The following PKIG variants were observed in gnomAD, a reference collection of about 807,000 sequenced individuals.
PKIG encodes the protein cAMP-dependent protein kinase inhibitor gamma.
PKIG carries 1 observed loss-of-function variant against 6.8 expected under a neutral mutation model. The ratio of observed to expected loss-of-function variants is 0.15; its 90% confidence interval spans 0.05 to 0.69. The LOEUF is 0.69. PKIG is among the 30% of genes least tolerant of loss of function. The pLI, the probability that PKIG is intolerant of heterozygous loss-of-function variation, is 0.82. For missense variants in PKIG, 77 were observed against 104.0 expected (o/e 0.74, Z 1.13); for synonymous variants, 39 against 43.0 (o/e 0.91, Z 0.36).
chr20:44,617,594 G>A (rs964671808), intron 3 of PKIG, among the ~76,000 whole-genome samples: 16 of 152,054 alleles, frequency 1.1e-4, no homozygotes, highest in African/African-American at 3.9e-4. Context: ...CTGTGAGCCT[G>A]CTGCTGCCCC....
intron 1 of PKIG, among the ~76,000 whole-genome samples, chr20:44,553,396 T>C (rs775997013): frequency 8.5e-5 from 13 of 152,144 alleles, no homozygotes; most frequent in Non-Finnish European, 1.8e-4. Flanking sequence ...CACATTTTGC[T>C]CTTTGAAAAT....
chr20:44,589,245 G>A (rs991191776), intron 1 of PKIG, among the ~76,000 whole-genome samples: 2 of 152,080 alleles, frequency 1.3e-5, no homozygotes, highest in Non-Finnish European at 2.9e-5. Flanking sequence ...GCTGAGAGTG[G>A]ATGATTGCTT....
At chr20:44,597,068 C>CTTT (rs1012609434) in intron 2 of PKIG, among the ~76,000 whole-genome samples, 1 of 152,114 alleles carries the variant, frequency 6.6e-6, no homozygotes, top group African/African-American at 2.4e-5. Context: ...GAAGTGGTTT[C>CTTT]TAAACTCCTC....
chr20:44,538,283 T>A (rs1333538646), intron 1 of PKIG, among the ~76,000 whole-genome samples: 2 of 152,188 alleles, frequency 1.3e-5, no homozygotes, highest in South Asian at 4.1e-4. Flanking sequence ...ATGATATCAT[T>A]TTAGTCCTCC....
intron 1 of PKIG, among the ~76,000 whole-genome samples, chr20:44,547,124 T>C (rs1418081357): frequency 6.6e-6 from 1 of 152,248 alleles, no homozygotes; most frequent in Non-Finnish European, 1.5e-5. Context: ...GTTCATGGAA[T>C]GAGAGAATGA....
In PKIG at chr20:44,599,231, C is replaced by CA. The variant is rs73623262; in HGVS notation, c.-24+9366dup. ...GGTACTTTTCAGTAAATCCATACTA[C>CA]ATGCCAGGCATAATACTAATTCACT... is the stretch of plus-strand genomic sequence containing the variant. On this transcript the variant is annotated intron_variant, in intron 2 of 3. Transcript: ENST00000372886. 6.3e-3 allele frequency among the ~76,000 whole-genome samples: 955 copies of CA among 152,276 alleles called. 10 individuals are homozygous for CA. The East Asian group carries it at 0.064, about 10-fold the overall frequency.
chr20:44,557,342 C>T (rs114583925), intron 1 of PKIG, among the ~76,000 whole-genome samples: 2,864 of 152,000 alleles, frequency 0.019, 87 homozygotes, highest in African/African-American at 0.065. Flanking sequence ...GCCTGGCCAA[C>T]GTGGTGGAAC....
intron 1 of PKIG, among the ~76,000 whole-genome samples, chr20:44,543,479 G>C (rs1375757621): frequency 6.6e-6 from 1 of 152,126 alleles, no homozygotes; most frequent in East Asian, 1.9e-4. Context: ...GGGAAGACCT[G>C]ACTGACTTTG....
intron 2 of PKIG, among the ~76,000 whole-genome samples, chr20:44,600,969 C>T (rs1600890483): frequency 6.6e-6 from 1 of 151,926 alleles, no homozygotes; most frequent in Non-Finnish European, 1.5e-5. Flanking sequence ...TAGATTATTT[C>T]GGGAAAGGAT....
intron 1 of PKIG, among the ~76,000 whole-genome samples, chr20:44,542,325 A>G (rs1386333995): frequency 6.6e-6 from 1 of 152,172 alleles, no homozygotes; most frequent in African/African-American, 2.4e-5. Context: ...AAGGGGCTTA[A>G]TGAATGTGAG....
intron 2 of PKIG, among the ~76,000 whole-genome samples, chr20:44,610,940 T>C (rs575250513): frequency 6.9e-4 from 105 of 152,330 alleles, no homozygotes; most frequent in South Asian, 6.0e-3. Flanking sequence ...GATACATATA[T>C]GTTGTATAAT....
intron 1 of PKIG, among the ~76,000 whole-genome samples, chr20:44,576,888 T>C (rs1010053222): frequency 6.6e-6 from 1 of 152,184 alleles, no homozygotes; most frequent in South Asian, 2.1e-4. Flanking sequence ...GGGGTCAGGC[T>C]TCTCTTCTCC....
intron 3 of PKIG, among the ~76,000 whole-genome samples, chr20:44,617,651 A>C (rs1435772511): frequency 2.0e-5 from 3 of 152,052 alleles, no homozygotes; most frequent in Non-Finnish European, 4.4e-5. Context: ...AAGGAGGTAC[A>C]ACACACACCC....
At chr20:44,542,742 G>A (rs549992361) in intron 1 of PKIG, among the ~76,000 whole-genome samples, 1 of 152,056 alleles carries the variant, frequency 6.6e-6, no homozygotes, top group South Asian at 2.1e-4. Flanking sequence ...ACAGGCATGC[G>A]CCACAATACC....
chr20:44,591,465 G>A (rs2065032798), intron 2 of PKIG, among the ~76,000 whole-genome samples: 1 of 152,094 alleles, frequency 6.6e-6, no homozygotes, highest in Non-Finnish European at 1.5e-5. Flanking sequence ...GACTGAGAGA[G>A]TTCCGCACTC....
intron 1 of PKIG, among the ~76,000 whole-genome samples, chr20:44,532,664 A>C (rs1430955826): frequency 6.6e-6 from 1 of 152,202 alleles, no homozygotes; most frequent in Admixed American, 6.5e-5. Context: ...TGCACAGAGA[A>C]AACAGTTAAC....
At chr20:44,595,951 A>T (rs1397672465) in intron 2 of PKIG, among the ~76,000 whole-genome samples, 1 of 152,146 alleles carries the variant, frequency 6.6e-6, no homozygotes, top group Non-Finnish European at 1.5e-5. Context: ...TTTTTATTTT[A>T]TTAAATATTA....
At chr20:44,554,505 G>T (rs951342767) in intron 1 of PKIG, among the ~76,000 whole-genome samples, 5 of 152,154 alleles carry the variant, frequency 3.3e-5, no homozygotes, top group Non-Finnish European at 7.4e-5. Flanking sequence ...AGAGCAAGGG[G>T]AAGGATGGGT....
At chr20:44,615,785 A>G (rs752403787) in intron 3 of PKIG, among the ~76,000 whole-genome samples, 5 of 134,586 alleles carry the variant, frequency 3.7e-5, no homozygotes, top group Non-Finnish European at 6.5e-5. Context: ...AGTACAGAAC[A>G]GAGAAGACTT....
Sources: gnomAD v4.1 joint callset for allele counts (sites outside exome capture counted in the v4.1 genomes callset) on GRCh38, gnomAD v4.1.1 for gene constraint, MANE v1.5 for transcripts, NCBI Gene and HGNC (gene_info 2026-07-23, HGNC 2026-07-21) for gene names.